Variants in PTPRK observed in about 807,000 individuals in gnomAD.
The protein encoded by PTPRK is receptor-type tyrosine-protein phosphatase kappa.
In PTPRK, 75 loss-of-function variants were observed where a neutral mutation model predicts 178.0. That is an observed-to-expected ratio of 0.42 (90% CI 0.35 to 0.51). The LOEUF (loss-of-function observed/expected upper bound fraction) is 0.51. Ranked by LOEUF, PTPRK falls within the 20% of genes least tolerant of loss-of-function variation. The probability of loss-of-function intolerance (pLI) is 0.02; values close to 1 mark genes in which losing one functional copy is unlikely to be tolerated. For synonymous variants in PTPRK, 637 were observed against 620.6 expected (o/e 1.03, Z -0.39); for missense variants, 1,441 against 1,797.8 (o/e 0.80, Z 3.59).
chr6:128,246,980 C>A (rs1017354463), intron 3 of PTPRK, among the ~76,000 whole-genome samples: 1 of 152,142 alleles, frequency 6.6e-6, no homozygotes, highest in Non-Finnish European at 1.5e-5. Flanking sequence ...TTTCCTCTAG[C>A]AAACTGAATG....
chr6:128,377,057 TA>T (rs1417718486), intron 2 of PTPRK, among the ~76,000 whole-genome samples: 1 of 152,200 alleles, frequency 6.6e-6, no homozygotes, highest in Non-Finnish European at 1.5e-5. Flanking sequence ...CTGATCCCTC[TA>T]AACTGTTCTA....
chr6:128,122,776 T>A (rs1792691981), intron 7 of PTPRK, among the ~76,000 whole-genome samples: 1 of 152,212 alleles, frequency 6.6e-6, no homozygotes, highest in African/African-American at 2.4e-5. Context: ...GTGAATACCA[T>A]ACAGTAAGAG....
chr6:127,985,794 C>A lies in PTPRK; in HGVS notation c.3178G>T (p.Gly1060Trp), dbSNP rs1243020600. The change falls in exon 22 of 30, where the codon GGG becomes TGG. Residue 1060 changes from glycine to tryptophan, a missense_variant. Physicochemically the swap from Gly to Trp is radical, Grantham distance 184 (BLOSUM62 -2). Coordinates refer to ENST00000368226, the MANE Select transcript of PTPRK (RefSeq NM_002844.4). The stretch of plus-strand genomic sequence containing the variant: ...ACTCGCCGGATAAAGGAAAGCAGCC[C>A]TGTAGCATGGTAGGGCACTCCATGG... ...PDHGVPYHAT[G>W]LLSFIRRVKL... is the part of the protein sequence containing the mutation. 1 of 1,613,924 alleles carries A rather than the reference C, an allele frequency of 6.2e-7. No individual in the cohort carries two copies. The highest frequency in any genetic ancestry group is 1.1e-5 in the South Asian group (1 of 91,064).
At position 128,301,785 on chromosome 6, in the gene PTPRK, A is replaced by G. The variant is rs942406020; in HGVS notation, c.495+20254T>C. On this transcript the variant is annotated intron_variant, in intron 3 of 29. Transcript: ENST00000368226. ...TTAGAGTTGGAGATCATCATTGATC[A>G]TATATTATTTGATAACTAGACTGCC... 3.3e-5 allele frequency among the ~76,000 whole-genome samples: 5 copies of G among 152,320 alleles called. No homozygotes were observed. In the East Asian group the frequency reaches 9.7e-4, roughly 29 times the overall value.
chr6:128,367,137 G>T (rs1835616956), intron 2 of PTPRK, among the ~76,000 whole-genome samples: 1 of 152,096 alleles, frequency 6.6e-6, no homozygotes, highest in African/African-American at 2.4e-5. Context: ...CTACTACTCT[G>T]TTGACTTTTC....
chr6:128,500,115 C>T lies in PTPRK; in HGVS notation c.100+20144G>A, dbSNP rs577812978. On this transcript the variant is annotated intron_variant, in intron 1 of 29. Coordinates refer to ENST00000368226, the MANE Select transcript of PTPRK (RefSeq NM_002844.4). The stretch of plus-strand genomic sequence containing the variant: ...GTAAATGGCCCAGAGAAACATACAC[C>T]AATGGCTTCAGTTTCTGATGCAGAG... Among the ~76,000 whole-genome samples, 6 of 152,270 alleles carry T rather than the reference C, an allele frequency of 3.9e-5. No individual in the cohort carries two copies. In the South Asian group the frequency reaches 1.2e-3, roughly 32 times the overall value.
chr6:128,173,540 T>C (rs915012132), intron 7 of PTPRK, among the ~76,000 whole-genome samples: 3 of 151,970 alleles, frequency 2.0e-5, no homozygotes, highest in Non-Finnish European at 4.4e-5. Flanking sequence ...CTATGAACCA[T>C]AAACCCAGGA....
Position 128,376,138 on chromosome 6 carries a change from C to T in PTPRK, c.223+21428G>A, listed in dbSNP as rs961858462. Among the ~76,000 whole-genome samples the T allele has an allele frequency of 5.3e-5, 8 of 152,264 alleles. No homozygotes were observed. In the East Asian group the frequency reaches 9.7e-4, roughly 18 times the overall value. On this transcript the variant is annotated intron_variant, in intron 2 of 29. Transcript: ENST00000368226. ...CTTCTCACTGCTCCACTAGGTGGTG[C>T]CCCAGTAAGGTACTCATTGTGGGGG...
chr6:128,079,565 G>C (rs973923739), intron 10 of PTPRK, among the ~76,000 whole-genome samples: 1 of 151,752 alleles, frequency 6.6e-6, no homozygotes, highest in African/African-American at 2.4e-5. Flanking sequence ...GATCTTGAGG[G>C]GGAAAAAGAG....
At position 128,058,509 on chromosome 6, in the gene PTPRK, T is replaced by A. The variant is rs558345577; in HGVS notation, c.2194+6249A>T. ...AATGGATTGTCTCTTGTCTCCTCACTAGTTTTAATAGTTTTTAAATATGTT... is the reference window on the plus strand; with the variant it reads ...AATGGATTGTCTCTTGTCTCCTCACAAGTTTTAATAGTTTTTAAATATGTT... On this transcript the variant is annotated intron_variant, in intron 13 of 29. Coordinates refer to ENST00000368226, the MANE Select transcript of PTPRK (RefSeq NM_002844.4). Among the ~76,000 whole-genome samples, 142 of 152,260 alleles carry A rather than the reference T, an allele frequency of 9.3e-4. 3 individuals carry two copies. The South Asian group carries it at 0.013, about 14-fold the overall frequency.
intron 3 of PTPRK, among the ~76,000 whole-genome samples, chr6:128,284,865 T>G (rs1193274265): frequency 1.3e-5 from 2 of 152,200 alleles, no homozygotes; most frequent in African/African-American, 4.8e-5. Context: ...GGGTCTGTTG[T>G]CAACTTTAAA....
intron 7 of PTPRK, among the ~76,000 whole-genome samples, chr6:128,168,341 C>T (rs1269117488): frequency 6.6e-6 from 1 of 151,910 alleles, no homozygotes; most frequent in African/African-American, 2.4e-5. Flanking sequence ...GTTGAACAAC[C>T]ATTATAAAAA....
chr6:128,285,759 C>T (rs1822395468), intron 3 of PTPRK, among the ~76,000 whole-genome samples: 1 of 152,006 alleles, frequency 6.6e-6, no homozygotes, highest in Admixed American at 6.6e-5. Context: ...TAGATTGTGA[C>T]ACTGCACTGT....
At chr6:128,250,070 G>A (rs765706131) in intron 3 of PTPRK, among the ~76,000 whole-genome samples, 12 of 152,154 alleles carry the variant, frequency 7.9e-5, no homozygotes, top group Non-Finnish European at 8.8e-5. Context: ...GTTTTCGCTT[G>A]ATTCTCATTC....
chr6:128,025,280 TCAGA>T (rs1239136086), intron 13 of PTPRK, among the ~76,000 whole-genome samples: 3 of 152,242 alleles, frequency 2.0e-5, no homozygotes, highest in African/African-American at 7.2e-5. Flanking sequence ...AGTCTCTGGC[TCAGA>T]CAGATTGTTT....
chr6:128,459,723 T>C (rs1408148581), intron 1 of PTPRK, among the ~76,000 whole-genome samples: 3 of 152,246 alleles, frequency 2.0e-5, no homozygotes, highest in Non-Finnish European at 4.4e-5. Context: ...ACACTGGAGA[T>C]AACAGTTGTC....
At chr6:128,119,971 T>G (rs1279373367) in intron 7 of PTPRK, among the ~76,000 whole-genome samples, 1 of 151,926 alleles carries the variant, frequency 6.6e-6, no homozygotes, top group Admixed American at 6.6e-5. Context: ...AAAAATAAGG[T>G]TAAATGTTTT....
At chr6:128,116,073 C>T (rs1389487407) in intron 7 of PTPRK, among the ~76,000 whole-genome samples, 1 of 152,092 alleles carries the variant, frequency 6.6e-6, no homozygotes, top group Non-Finnish European at 1.5e-5. Context: ...TCATTTGTTA[C>T]ATTTTACAAG....
At chr6:128,172,771 ATG>A (rs1800484442) in intron 7 of PTPRK, among the ~76,000 whole-genome samples, 1 of 150,834 alleles carries the variant, frequency 6.6e-6, no homozygotes, top group South Asian at 2.1e-4. Context: ...ACATGTACAT[ATG>A]TGTGTACATA....
Sources: allele counts gnomAD v4.1 joint callset (sites outside exome capture counted in the v4.1 genomes callset), GRCh38; gene constraint gnomAD v4.1.1; transcripts MANE v1.5; gene names NCBI Gene and HGNC (gene_info 2026-07-23, HGNC 2026-07-21).